KAT8: variants seen among roughly 807,000 people sequenced by gnomAD.
The protein encoded by KAT8 is lysine acetyltransferase 8, also known as histone acetyltransferase KAT8.
In KAT8, 40 loss-of-function variants were observed where a neutral mutation model predicts 62.9. That is an observed-to-expected ratio of 0.64 (90% confidence interval 0.49 to 0.83). The LOEUF (loss-of-function observed/expected upper bound fraction) is 0.83. Among genes scored for constraint, KAT8 ranks in the 40% least tolerant of loss-of-function variants. KAT8 has a pLI of 0.00. For synonymous variants in KAT8, 278 were observed against 254.5 expected (o/e 1.09, Z -0.88); for missense variants, 387 against 614.8 (o/e 0.63, Z 3.92).
At chr16:31,125,302 C>A (rs1864849066) in intron 3 of KAT8, among the ~76,000 whole-genome samples, 1 of 152,018 alleles carries the variant, frequency 6.6e-6, no homozygotes, top group African/African-American at 2.4e-5. Context: ...GTTTACTACT[C>A]TGTAAAATTG....
intron 3 of KAT8, chr16:31,126,769 G>T: frequency 2.1e-6 from 1 of 479,228 alleles, no homozygotes. Context: ...GCCCCATCCT[G>T]ATCCTAACCC....
At chr16:31,127,575 C>G (rs1178231453) in intron 5 of KAT8, among the ~76,000 whole-genome samples, 1 of 152,238 alleles carries the variant, frequency 6.6e-6, no homozygotes, top group Non-Finnish European at 1.5e-5. Flanking sequence ...AGCTCCTCTT[C>G]TCTGGAATGG....
chr16:31,120,332 CTTACAG>C lies in KAT8; in HGVS notation c.287-3_289del. Reference sequence around the variant, plus strand: ...CCTGGCAGCACTCTTATGGCCCATACTTACAGTTAACCGGCGGCTGGACGAGTGGGT... The same window carrying C: ...CCTGGCAGCACTCTTATGGCCCATACTTAACCGGCGGCTGGACGAGTGGGT... On this transcript the variant is annotated splice_acceptor_variant and splice_polypyrimidine_tract_variant and intron_variant, in intron 2 of 10. Coordinates refer to ENST00000219797, the MANE Select transcript of KAT8 (RefSeq NM_032188.3). LOFTEE classifies it high-confidence loss of function. The C allele has an allele frequency of 6.2e-7, 1 of 1,614,000 alleles. No individual in the cohort carries two copies.
At position 31,117,786 on chromosome 16, in the gene KAT8, C is replaced by A. The variant is rs1364103869; in HGVS notation, c.105C>A (p.Ala35=). Reference sequence around the variant, plus strand: ...AGAATGCGGCCGCTGAGGGGACCGCCCCATCCCCGGGCCGCGTCTCTCCGC... The same window carrying A: ...AGAATGCGGCCGCTGAGGGGACCGCACCATCCCCGGGCCGCGTCTCTCCGC... ...PGENAAAEGT[A]PSPGRVSPPT... The change falls in exon 1 of 11, where the codon GCC becomes GCA. Residue 35 remains alanine (A), a synonymous_variant. Coordinates refer to ENST00000219797, the MANE Select transcript of KAT8 (RefSeq NM_032188.3). The A allele has an allele frequency of 1.4e-6, 2 of 1,409,806 alleles. No individual in the cohort carries two copies. The highest frequency in any genetic ancestry group is 1.9e-6 in the Non-Finnish European group (2 of 1,070,734). 87.3% of individuals were successfully genotyped at this position (1,409,806 alleles called of 1,614,324 possible).
chr16:31,119,685 C>T (rs2057478724), intron 1 of KAT8, among the ~76,000 whole-genome samples: 1 of 151,986 alleles, frequency 6.6e-6, no homozygotes, highest in South Asian at 2.1e-4. Flanking sequence ...GTCACCCAGG[C>T]CACAGTGCAG....
chr16:31,120,844 T>C (rs1326635198), intron 3 of KAT8: 3 of 264,036 alleles, frequency 1.1e-5, no homozygotes, highest in Non-Finnish European at 1.5e-5. Flanking sequence ...ACGAGAATGT[T>C]ATTCGGCAGT....
chr16:31,130,951 T>G, intron 10 of KAT8, 51 bp downstream of exon 10: 2 of 1,584,366 alleles, frequency 1.3e-6, no homozygotes, highest in Non-Finnish European at 1.7e-6. Context: ...TGTCAGTATA[T>G]GGACTGGTAG....
chr16:31,130,235 C>T (rs778458303), intron 7 of KAT8, 32 bp from the exon 8 acceptor site: 2 of 1,613,394 alleles, frequency 1.2e-6, no homozygotes, highest in South Asian at 1.1e-5. Context: ...GGCAGAGCCT[C>T]CCCAGCGGCC....
intron 6 of KAT8, among the ~76,000 whole-genome samples, chr16:31,129,167 C>T (rs1447371970): frequency 6.6e-6 from 1 of 152,220 alleles, no homozygotes; most frequent in Non-Finnish European, 1.5e-5. Context: ...GTGTTTAGTG[C>T]AGTGCTTAGC....
intron 1 of KAT8, chr16:31,118,489 C>G (rs888204760): frequency 6.6e-6 from 1 of 152,376 alleles, no homozygotes; most frequent in East Asian, 1.9e-4. Context: ...TTTTTCTTCC[C>G]TTTCTCCTTG....
In KAT8 at chr16:31,130,935, G is replaced by C. The variant is rs781314547; in HGVS notation, c.1312+35G>C. On this transcript the variant is annotated intron_variant, in intron 10 of 10. Transcript: ENST00000219797. The stretch of plus-strand genomic sequence containing the variant: ...GGGCTGCTGTGTGTCGGGGGCGGTG[G>C]GGGAGTGTCAGTATATGGACTGGTA... The C allele has an allele frequency of 8.8e-6, 14 of 1,596,774 alleles. No homozygotes were observed. In the East Asian group the frequency reaches 3.2e-4, roughly 36 times the overall value.
rs372009279 is a variant in KAT8 at position 31,130,003 on chromosome 16, C to T, written c.772-14C>T. 7.4e-5 allele frequency: 120 copies of T among 1,613,962 alleles called. No individual in the cohort carries two copies. Among genetic ancestry groups the T allele is most frequent in the Middle Eastern group, 3.3e-4 (2 of 6,048 alleles). ...CCTGCCCCCTGAGCCTGTCTCCCCCCTCCTCAACCCTAGATTTACTGTCAG... is the reference window on the plus strand; with the variant it reads ...CCTGCCCCCTGAGCCTGTCTCCCCCTTCCTCAACCCTAGATTTACTGTCAG... On this transcript the variant is annotated splice_polypyrimidine_tract_variant and intron_variant, in intron 6 of 10. Transcript: ENST00000219797.
Position 31,130,531 on chromosome 16 carries a change from A to G in KAT8, c.1082A>G (p.Tyr361Cys). The change falls in exon 9 of 11, where the codon TAC (tyrosine) becomes TGC (cysteine). Residue 361 changes from tyrosine to cysteine, a missense_variant. Coordinates refer to ENST00000219797, the MANE Select transcript of KAT8 (RefSeq NM_032188.3). Reference sequence around the variant, plus strand: ...CTGTCTGACCTGGGCAAGCTCAGCTACCGCAGCTACTGGTCCTGGGTGCTG... The same window carrying G: ...CTGTCTGACCTGGGCAAGCTCAGCTGCCGCAGCTACTGGTCCTGGGTGCTG... Reference protein sequence around the residue: ...KPLSDLGKLSYRSYWSWVLLE... With the variant: ...KPLSDLGKLSCRSYWSWVLLE... 1 of 1,614,114 alleles carries G rather than the reference A, an allele frequency of 6.2e-7. No individual in the cohort carries two copies. Among genetic ancestry groups the G allele is most frequent in the Non-Finnish European group, 8.5e-7 (1 of 1,179,958 alleles).
intron 3 of KAT8, among the ~76,000 whole-genome samples, chr16:31,121,312 G>A (rs149604995): frequency 0.021 from 3,124 of 152,090 alleles, 48 homozygotes; most frequent in Admixed American, 0.032. Context: ...GTAGAGACGA[G>A]GTTTCGCCAT....
At chr16:31,126,391 C>T (rs889548) in intron 3 of KAT8, 48,539 of 152,518 alleles carry the variant, frequency 0.32, 9,716 homozygotes, top group East Asian at 0.89. Context: ...GAAGTAGACT[C>T]GACATCCACT....
At chr16:31,131,019 G>C (rs1254100477) in intron 10 of KAT8, 119 bp downstream of exon 10, 17 of 1,514,088 alleles carry the variant, frequency 1.1e-5, no homozygotes, top group Non-Finnish European at 1.3e-5. Context: ...CCAGCTCCCA[G>C]GATGGAGCCC....
chr16:31,125,070 T>C (rs1002790307), intron 3 of KAT8, among the ~76,000 whole-genome samples: 24 of 151,892 alleles, frequency 1.6e-4, no homozygotes, highest in Non-Finnish European at 2.5e-4. Context: ...CAGGCACATG[T>C]AGTCTCAGCC....
chr16:31,118,003 G>A, intron 1 of KAT8, 111 bp downstream of exon 1: 1 of 826,042 alleles, frequency 1.2e-6, no homozygotes. Flanking sequence ...TGGGAGTGGA[G>A]AGGAGGAGGG....
intron 6 of KAT8, 71 bp from the exon 7 acceptor site, chr16:31,129,946 C>T (rs1011453058): frequency 1.8e-5 from 28 of 1,567,242 alleles, no homozygotes; most frequent in Admixed American, 1.6e-4. Context: ...GGGCTGGTGC[C>T]GGCCGCTGGA....
Sources: gnomAD v4.1 joint callset for allele counts (sites outside exome capture counted in the v4.1 genomes callset) on GRCh38, gnomAD v4.1.1 for gene constraint, MANE v1.5 for transcripts, NCBI Gene and HGNC (gene_info 2026-07-23, HGNC 2026-07-21) for gene names.